Variants in ABCA12 observed in about 807,000 individuals in gnomAD.
ABCA12 encodes ATP binding cassette subfamily A member 12, also known as glucosylceramide transporter ABCA12.
In ABCA12, 156 loss-of-function variants were observed where a neutral mutation model predicts 293.5. The observed-to-expected ratio is 0.53, with a 90% CI of 0.47 to 0.61. ABCA12 has a LOEUF of 0.61. ABCA12 is among the 20% of genes least tolerant of loss of function. The pLI is 0.00. For synonymous variants in ABCA12, 1,063 were observed against 1,108.0 expected (o/e 0.96, Z 0.81); for missense variants, 2,797 against 3,090.2 (o/e 0.91, Z 2.25).
chr2:214,971,650 T>C (rs1020379080), intron 36 of ABCA12, among the ~76,000 whole-genome samples: 1 of 152,224 alleles, frequency 6.6e-6, no homozygotes, highest in South Asian at 2.1e-4. Flanking sequence ...ATCTTCCATA[T>C]GTTATGTATG....
In ABCA12 at chr2:215,064,129, G is replaced by A. The variant is rs1448948631; in HGVS notation, c.254C>T (p.Thr85Ile). 3 of 1,612,950 alleles carry A rather than the reference G, an allele frequency of 1.9e-6. No homozygotes were observed. The highest frequency in any genetic ancestry group is 2.5e-6 in the Non-Finnish European group (3 of 1,179,260). The change falls in exon 3 of 53, where the codon ACA (threonine) becomes ATA (isoleucine). Residue 85 changes from threonine to isoleucine, a missense_variant. This residue lies in a region of ABCA12 where 656 missense variants were observed against 638.2 expected (regional missense o/e 1.03). Coordinates refer to ENST00000272895, the MANE Select transcript of ABCA12 (RefSeq NM_173076.3). ...LCDTDSKCKD[T>I]PYGPQDLLRR... is the part of the protein sequence containing the mutation. ...AAGCAGATCTTGTGGGCCATAGGGT[G>A]TGTCTTTGCATTTAGAGTCTGTGTC...
At chr2:215,132,993 C>A (rs1703093715) in intron 1 of ABCA12, among the ~76,000 whole-genome samples, 1 of 151,718 alleles carries the variant, frequency 6.6e-6, no homozygotes, top group Non-Finnish European at 1.5e-5. Context: ...CTCAGTTTGG[C>A]AGGATATAAA....
Position 214,932,028 on chromosome 2 carries a change from T to A in ABCA12, c.*606A>T, listed in dbSNP as rs1574914898. The A allele has an allele frequency of 6.4e-6, 1 of 156,442 alleles. No homozygotes were observed. The highest frequency in any genetic ancestry group is 2.4e-5 in the African/African-American group (1 of 41,442). 9.7% of individuals were successfully genotyped at this position (156,442 alleles called of 1,614,324 possible). ...AAATTGCCCTCTCTATTGCAGTCCT[T>A]ATGGAAAGGCACTTTTTTTCGGGTT... On this transcript the variant is annotated 3_prime_UTR_variant, in exon 53 of 53. Transcript: ENST00000272895.
At chr2:215,030,692 C>A (rs1051374851) in intron 9 of ABCA12, among the ~76,000 whole-genome samples, 1 of 151,756 alleles carries the variant, frequency 6.6e-6, no homozygotes, top group Non-Finnish European at 1.5e-5. Flanking sequence ...CTGGGAGAAG[C>A]ACCTGGGTCA....
At chr2:215,075,964 T>C (rs1441002839) in intron 2 of ABCA12, among the ~76,000 whole-genome samples, 1 of 152,218 alleles carries the variant, frequency 6.6e-6, no homozygotes, top group Non-Finnish European at 1.5e-5. Context: ...CGAAGTCTGG[T>C]TCCAGATCCT....
At position 215,138,411 on chromosome 2, in the gene ABCA12, C is replaced by T. The variant is rs944544997; in HGVS notation, c.-203G>A. ...GTGGTTAATCCTTAACCAAGAGGCA[C>T]TTCTCAATCAACTCTTCTTCCAAAA... On this transcript the variant is annotated 5_prime_UTR_variant, in exon 1 of 53. The change creates a new upstream start codon in the 5' untranslated region. Transcript: ENST00000272895. 2 of 610,058 alleles carry T rather than the reference C, an allele frequency of 3.3e-6. No individual in the cohort carries two copies. Among genetic ancestry groups the T allele is most frequent in the African/African-American group, 1.8e-5 (1 of 54,164 alleles). 37.8% of individuals were successfully genotyped at this position (610,058 alleles called of 1,614,324 possible). A position where few individuals can be genotyped will look rare whatever the true frequency, so the allele number is the denominator to read the frequency against.
chr2:215,062,470 C>G (rs1464721498), intron 3 of ABCA12, among the ~76,000 whole-genome samples: 1 of 152,008 alleles, frequency 6.6e-6, no homozygotes, highest in Non-Finnish European at 1.5e-5. Flanking sequence ...CCACTCAAAA[C>G]TTTCAGATGG....
chr2:215,084,389 G>A (rs1702000684), intron 2 of ABCA12, among the ~76,000 whole-genome samples: 2 of 152,156 alleles, frequency 1.3e-5, no homozygotes, highest in African/African-American at 4.8e-5. Context: ...TTATCAAGTG[G>A]CAATCTGAGT....
rs4533467 is a variant in ABCA12 at position 214,991,056 on chromosome 2, G to A, written c.3295-25C>T. On this transcript the variant is annotated intron_variant, in intron 23 of 52. Coordinates refer to ENST00000272895, the MANE Select transcript of ABCA12 (RefSeq NM_173076.3). ...ACTGTAAGAAGAAAAAATGTGAGGC[G>A]CTTGTTATGCTGATATTCTTCCAAA... 0.47 allele frequency: 746,025 copies of A among 1,592,596 alleles called. 183,115 individuals carry two copies. The highest frequency in any genetic ancestry group is 0.51 in the Non-Finnish European group (586,620 of 1,161,470).
intron 23 of ABCA12, among the ~76,000 whole-genome samples, chr2:214,996,145 G>A (rs1299637759): frequency 6.6e-6 from 1 of 152,136 alleles, no homozygotes; most frequent in Non-Finnish European, 1.5e-5. Context: ...ACAGAAACTG[G>A]TTCATAGCTA....
chr2:215,124,064 C>T (rs1052548521), intron 1 of ABCA12, among the ~76,000 whole-genome samples: 1 of 152,166 alleles, frequency 6.6e-6, no homozygotes, highest in African/African-American at 2.4e-5. Flanking sequence ...ATAATAGTCT[C>T]CAATCTTATC....
rs1432786753 is a variant in ABCA12 at position 215,111,702 on chromosome 2, T to C, written c.70-12A>G. ...ACAAGTGTCCAAAGCTGCAAAATAA[T>C]GGTAGAAAAAATTGTTAGTTTTATT... is the stretch of plus-strand genomic sequence containing the variant. On this transcript the variant is annotated splice_polypyrimidine_tract_variant and intron_variant, in intron 1 of 52. Transcript: ENST00000272895. 1.2e-6 allele frequency: 2 copies of C among 1,603,786 alleles called. No individual in the cohort carries two copies. The highest frequency in any genetic ancestry group is 1.7e-6 in the Non-Finnish European group (2 of 1,171,610).
intron 39 of ABCA12, among the ~76,000 whole-genome samples, chr2:214,964,224 AC>A (rs1042768743): frequency 5.3e-5 from 8 of 152,180 alleles, no homozygotes; most frequent in Admixed American, 5.2e-4. Flanking sequence ...GAAGGAACAT[AC>A]CTCAAAATAG....
intron 3 of ABCA12, among the ~76,000 whole-genome samples, chr2:215,060,221 G>A (rs1403828): frequency 0.59 from 89,683 of 151,844 alleles, 26,877 homozygotes; most frequent in East Asian, 0.68. Context: ...TTGTCTCTCC[G>A]TCTCTCTTTC....
chr2:214,977,605 T>A (rs1699547123), intron 33 of ABCA12, among the ~76,000 whole-genome samples: 1 of 152,146 alleles, frequency 6.6e-6, no homozygotes, highest in Non-Finnish European at 1.5e-5. Context: ...AGGTATAAAT[T>A]AACTGTCAGA....
chr2:214,951,714 G>A (rs554451122), intron 44 of ABCA12, among the ~76,000 whole-genome samples: 4 of 152,254 alleles, frequency 2.6e-5, no homozygotes, highest in South Asian at 4.1e-4. Flanking sequence ...CCAAGATCAC[G>A]CTACTGCACT....
chr2:215,012,373 C>T (rs748258001), intron 15 of ABCA12, among the ~76,000 whole-genome samples: 4 of 151,856 alleles, frequency 2.6e-5, no homozygotes, highest in African/African-American at 9.7e-5. Flanking sequence ...GCATTATTCA[C>T]GATAGCCAAA....
chr2:215,077,084 C>T (rs1285001745), intron 2 of ABCA12, among the ~76,000 whole-genome samples: 1 of 152,094 alleles, frequency 6.6e-6, no homozygotes, highest in Non-Finnish European at 1.5e-5. Flanking sequence ...TAGGTTTACA[C>T]AGGGGCCTCC....
chr2:215,044,657 T>G (rs1389357494), intron 7 of ABCA12: 1 of 152,170 alleles, frequency 6.6e-6, no homozygotes, highest in African/African-American at 2.4e-5. Context: ...TTCTTTAAGT[T>G]TAGGTCCTGG....
Sources: gnomAD v4.1 joint callset for allele counts (sites outside exome capture counted in the v4.1 genomes callset) on GRCh38, gnomAD v4.1.1 for gene constraint, gnomAD v4.1.1 regional missense constraint, MANE v1.5 for transcripts, NCBI Gene and HGNC (gene_info 2026-07-23, HGNC 2026-07-21) for gene names.